The following KLHL29 variants were observed in gnomAD, a reference collection of about 807,000 sequenced individuals.
KLHL29 encodes kelch-like protein 29.
A neutral mutation model predicts 80.4 loss-of-function variants in KLHL29; 21 were observed. The observed-to-expected ratio is 0.26, with a 90% CI of 0.19 to 0.38. The LOEUF (loss-of-function observed/expected upper bound fraction) is 0.38, where lower values mean the gene tolerates loss of function less well. Ranked by LOEUF, KLHL29 falls within the 10% of genes least tolerant of loss-of-function variation. The pLI, the probability that KLHL29 is intolerant of heterozygous loss-of-function variation, is 1.00. For synonymous variants in KLHL29, 511 were observed against 526.8 expected, an observed-to-expected ratio of 0.97 and a Z score of 0.41; for missense variants, 867 against 1,223.9, an observed-to-expected ratio of 0.71 and a Z score of 4.35.
At chr2:23,486,841 C>T (rs1664943303) in intron 2 of KLHL29, among the ~76,000 whole-genome samples, 1 of 152,142 alleles carries the variant, frequency 6.6e-6, no homozygotes, top group Non-Finnish European at 1.5e-5. Flanking sequence ...CACTCCTGAC[C>T]AAAGGCATCA....
chr2:23,546,783 C>T (rs1013023966), intron 2 of KLHL29, among the ~76,000 whole-genome samples: 1 of 152,200 alleles, frequency 6.6e-6, no homozygotes, highest in East Asian at 1.9e-4. Flanking sequence ...TTGGGGGACA[C>T]CAAGGCTGTG....
chr2:23,553,798 G>T (rs1667189867), intron 2 of KLHL29, among the ~76,000 whole-genome samples: 1 of 152,216 alleles, frequency 6.6e-6, no homozygotes, highest in South Asian at 2.1e-4. Flanking sequence ...CCCTGCCCCG[G>T]ATGCCCAGCC....
intron 5 of KLHL29, among the ~76,000 whole-genome samples, chr2:23,683,002 C>G (rs1324910453): frequency 6.6e-6 from 1 of 152,248 alleles, no homozygotes; most frequent in African/African-American, 2.4e-5. Flanking sequence ...CAGCAGAGCC[C>G]AGTGTGTCCT....
chr2:23,416,118 T>G (rs1236392877), intron 1 of KLHL29, among the ~76,000 whole-genome samples: 1 of 152,110 alleles, frequency 6.6e-6, no homozygotes, highest in Non-Finnish European at 1.5e-5. Flanking sequence ...GAGGGCACAG[T>G]GATAACATCC....
chr2:23,449,574 C>G (rs1445515827), intron 1 of KLHL29, among the ~76,000 whole-genome samples: 1 of 152,086 alleles, frequency 6.6e-6, no homozygotes, highest in East Asian at 1.9e-4. Flanking sequence ...CTCCAATAGT[C>G]CAGCCAGTGT....
intron 1 of KLHL29, among the ~76,000 whole-genome samples, chr2:23,426,320 G>A (rs1475224981): frequency 1.3e-5 from 2 of 152,164 alleles, no homozygotes; most frequent in South Asian, 2.1e-4. Flanking sequence ...TCAATCCAAG[G>A]TACTATTATT....
chr2:23,513,110 G>A (rs185349326), intron 2 of KLHL29, among the ~76,000 whole-genome samples: 1 of 152,362 alleles, frequency 6.6e-6, no homozygotes, highest in Admixed American at 6.5e-5. Flanking sequence ...GGGTCTCACT[G>A]TAGTTACCGT....
At chr2:23,424,043 G>A (rs534249760) in intron 1 of KLHL29, among the ~76,000 whole-genome samples, 121 of 152,262 alleles carry the variant, frequency 7.9e-4, no homozygotes, top group African/African-American at 2.7e-3. Context: ...CTCTTCACAC[G>A]TGGCTCCCTG....
At chr2:23,415,053 G>C (rs1267112345) in intron 1 of KLHL29, among the ~76,000 whole-genome samples, 1 of 152,260 alleles carries the variant, frequency 6.6e-6, no homozygotes, top group Non-Finnish European at 1.5e-5. Flanking sequence ...CCCCACAGCT[G>C]CCCTGCTGGT....
chr2:23,569,382 C>T (rs1667663207), intron 3 of KLHL29, among the ~76,000 whole-genome samples: 1 of 152,196 alleles, frequency 6.6e-6, no homozygotes, highest in Admixed American at 6.5e-5. Context: ...TCCCCAAAAG[C>T]CCTCAGAAGG....
intron 2 of KLHL29, among the ~76,000 whole-genome samples, chr2:23,485,654 G>A (rs572657887): frequency 3.3e-5 from 5 of 152,178 alleles, no homozygotes; most frequent in African/African-American, 4.8e-5. Context: ...GGGTCCTCAC[G>A]GCCTTTGTTC....
At chr2:23,654,098 T>TA (rs1313150800) in intron 5 of KLHL29, among the ~76,000 whole-genome samples, 1 of 151,850 alleles carries the variant, frequency 6.6e-6, no homozygotes, top group Non-Finnish European at 1.5e-5. Context: ...ACCCAGGAGG[T>TA]AGAGGTTGCA....
intron 2 of KLHL29, among the ~76,000 whole-genome samples, chr2:23,517,338 A>T (rs1451913171): frequency 6.6e-6 from 1 of 152,200 alleles, no homozygotes; most frequent in African/African-American, 2.4e-5. Flanking sequence ...AGGTCAGGAA[A>T]TCGAGACCAT....
chr2:23,664,712 G>C (rs1044643242), intron 5 of KLHL29, among the ~76,000 whole-genome samples: 6 of 152,198 alleles, frequency 3.9e-5, no homozygotes, highest in African/African-American at 1.4e-4. Flanking sequence ...AGCACCCACG[G>C]CTGTGCCCAG....
Position 23,684,321 on chromosome 2 carries a change from G to GAA in KLHL29, c.941-71_941-70dup, listed in dbSNP as rs906327916. 3 of 1,130,094 alleles carry GAA rather than the reference G, an allele frequency of 2.7e-6. No homozygotes were observed. Among genetic ancestry groups the GAA allele is most frequent in the African/African-American group, 3.3e-5 (2 of 60,732 alleles). 70.0% of individuals were successfully genotyped at this position (1,130,094 alleles called of 1,614,324 possible). On this transcript the variant is annotated intron_variant, in intron 5 of 13. Transcript: ENST00000486442. The surrounding 1 kb of genome is among the most constrained non-coding windows in gnomAD (Gnocchi z 4.4). Reference sequence around the variant, plus strand: ...CCTATTTCTCTACTTCTTGAAAAAAGAAAAAAAACTTTTTTTAATTAAAAA... The same window carrying GAA: ...CCTATTTCTCTACTTCTTGAAAAAAGAAAAAAAAAACTTTTTTTAATTAAAAA...
At position 23,627,779 on chromosome 2, in the gene KLHL29, C is replaced by T. The variant is rs1290841542; in HGVS notation, c.286-11360C>T. On this transcript the variant is annotated intron_variant, in intron 3 of 13. Coordinates refer to ENST00000486442, the MANE Select transcript of KLHL29 (RefSeq NM_052920.2). ...TCAGTCGACTCCATGCTCTGGGAGT[C>T]AGTGTCGTGAGTCACACAGCAGAGG... Among the ~76,000 whole-genome samples the T allele has an allele frequency of 2.6e-5, 4 of 152,212 alleles. No homozygotes were observed. The East Asian group carries it at 7.7e-4, about 29-fold the overall frequency.
chr2:23,612,149 A>G (rs1395897963), intron 3 of KLHL29, among the ~76,000 whole-genome samples: 3 of 152,258 alleles, frequency 2.0e-5, no homozygotes. Flanking sequence ...AACACTTTAC[A>G]AGCAGGATAA....
intron 1 of KLHL29, among the ~76,000 whole-genome samples, chr2:23,433,376 A>C (rs1663238360): frequency 6.6e-6 from 1 of 151,978 alleles, no homozygotes; most frequent in African/African-American, 2.4e-5. Context: ...AATTTTTCTG[A>C]CTTTACTGCA....
intron 3 of KLHL29, among the ~76,000 whole-genome samples, chr2:23,633,419 T>C (rs1482569845): frequency 6.6e-6 from 1 of 152,218 alleles, no homozygotes; most frequent in African/African-American, 2.4e-5. Flanking sequence ...CACAAATGAC[T>C]TTGCCCTTTA....
Sources: gnomAD v4.1 joint callset for allele counts (sites outside exome capture counted in the v4.1 genomes callset) on GRCh38, gnomAD v4.1.1 for gene constraint, Gnocchi (gnomAD v3.1) non-coding constraint, MANE v1.5 for transcripts, NCBI Gene and HGNC (gene_info 2026-07-23, HGNC 2026-07-21) for gene names.